The following ATXN1 variants were observed in gnomAD, a reference collection of about 807,000 sequenced individuals.
ATXN1 encodes the protein ataxin-1.
In ATXN1, 8 loss-of-function variants were observed where a neutral mutation model predicts 56.4. That is an observed-to-expected ratio of 0.14 (90% CI 0.08 to 0.26). ATXN1 has a LOEUF of 0.26. Among genes scored for constraint, ATXN1 ranks in the 10% least tolerant of loss-of-function variants. The probability of loss-of-function intolerance (pLI) is 1.00; values close to 1 mark genes in which losing one functional copy is unlikely to be tolerated. For synonymous variants in ATXN1, 514 were observed against 494.6 expected, an observed-to-expected ratio of 1.04 and a Z score of -0.52; for missense variants, 987 against 1,106.5, an observed-to-expected ratio of 0.89 and a Z score of 1.53.
intron 3 of ATXN1, among the ~76,000 whole-genome samples, chr6:16,650,818 C>T (rs1203772344): frequency 1.3e-5 from 2 of 152,124 alleles, no homozygotes; most frequent in Admixed American, 6.5e-5. Flanking sequence ...GTTTTCTGTC[C>T]GTCGTTTTCC....
chr6:16,305,985 A>C lies in ATXN1; in HGVS notation c.*344T>G. The stretch of plus-strand genomic sequence containing the variant: ...ACCCCTGCAGGACCCTTCCCACGGG[A>C]CTTTTCTCCTGACACTAGCGGGAGT... On this transcript the variant is annotated 3_prime_UTR_variant, in exon 8 of 8. Transcript: ENST00000436367. 2 of 228,504 alleles carry C rather than the reference A, an allele frequency of 8.8e-6. No individual in the cohort carries two copies. Among genetic ancestry groups the C allele is most frequent in the Non-Finnish European group, 1.8e-5 (2 of 113,282 alleles). 14.2% of individuals were successfully genotyped at this position (228,504 alleles called of 1,614,324 possible).
intron 6 of ATXN1, among the ~76,000 whole-genome samples, chr6:16,407,606 TGCAGA>T (rs1453801412): frequency 6.6e-6 from 1 of 152,236 alleles, no homozygotes; most frequent in Non-Finnish European, 1.5e-5. Context: ...GAAGTTGAAA[TGCAGA>T]GAGGAGACTA....
chr6:16,590,700 C>T (rs9464922), intron 3 of ATXN1, among the ~76,000 whole-genome samples: 1 of 151,460 alleles, frequency 6.6e-6, no homozygotes, highest in Non-Finnish European at 1.5e-5. Flanking sequence ...GACAAGTTCT[C>T]ACTCTGTTTC....
At chr6:16,692,819 C>G (rs1416643057) in intron 2 of ATXN1, among the ~76,000 whole-genome samples, 1 of 152,164 alleles carries the variant, frequency 6.6e-6, no homozygotes, top group Non-Finnish European at 1.5e-5. Context: ...GTAATGGGCC[C>G]AAGATCTCAA....
chr6:16,327,739 G>A lies in ATXN1; in HGVS notation c.572C>T (p.Pro191Leu), dbSNP rs780889674. 10 of 1,599,110 alleles carry A rather than the reference G, an allele frequency of 6.3e-6. No homozygotes were observed. The highest frequency in any genetic ancestry group is 4.5e-5 in the East Asian group (2 of 44,770). ...CTGCTGCTGCTCAGCCTTGTGTCCC[G>A]GCGTCTGGCTCAGACTGCCCATGTT... The part of the protein sequence containing the change: ...LANMGSLSQT[P>L]GHKAEQQQQQ... Residue 191 changes from proline to leucine, a missense_variant, in exon 7 of 8, where the codon CCG becomes CTG. Physicochemically the swap from Pro to Leu is moderately conservative, Grantham distance 98. Around this residue, in one of 3 missense-constraint regions of ATXN1, gnomAD observed 723 missense variants for 791.7 expected, o/e 0.91. Coordinates refer to ENST00000436367, the MANE Select transcript of ATXN1 (RefSeq NM_001128164.2).
At chr6:16,346,731 C>T (rs1290869968) in intron 6 of ATXN1, among the ~76,000 whole-genome samples, 2 of 143,668 alleles carry the variant, frequency 1.4e-5, no homozygotes, top group African/African-American at 3.0e-5. Context: ...GCAGCCCTCA[C>T]AGCCCTCACT....
chr6:16,508,368 T>A (rs1298250494), intron 5 of ATXN1, among the ~76,000 whole-genome samples: 1 of 152,210 alleles, frequency 6.6e-6, no homozygotes, highest in Non-Finnish European at 1.5e-5. Context: ...TTAAATAATT[T>A]AAGCACAAAT....
chr6:16,387,177 A>G (rs9477109), intron 6 of ATXN1, among the ~76,000 whole-genome samples: 18,355 of 152,130 alleles, frequency 0.12, 1,190 homozygotes, highest in African/African-American at 0.15. Context: ...GAGATCAATG[A>G]CTCAATGGTG....
intron 6 of ATXN1, among the ~76,000 whole-genome samples, chr6:16,447,744 C>G (rs567814427): frequency 4.5e-4 from 69 of 152,308 alleles, no homozygotes; most frequent in Non-Finnish European, 8.7e-4. Context: ...GCTAGTTACA[C>G]TCTTAGAAGC....
Position 16,326,281 on chromosome 6 carries a change from G to A in ATXN1, c.1917+113C>T. Reference sequence around the variant, plus strand: ...TGGGAAAGGCCGAGTCTAAGGTCTAGGTGTACCCGAGAACCCTTAATCCTG... The same window carrying A: ...TGGGAAAGGCCGAGTCTAAGGTCTAAGTGTACCCGAGAACCCTTAATCCTG... On this transcript the variant is annotated intron_variant, in intron 7 of 7. Coordinates refer to ENST00000436367, the MANE Select transcript of ATXN1 (RefSeq NM_001128164.2). This position sits in a 1 kb window ranked among gnomAD's most constrained non-coding sequence, Gnocchi z 6.6. 2.0e-6 allele frequency: 3 copies of A among 1,507,804 alleles called. No individual in the cohort carries two copies. The highest frequency in any genetic ancestry group is 2.6e-6 in the Non-Finnish European group (3 of 1,133,338). The allele number at this position is 1,507,804 out of a possible 1,614,324, so 93.4% of individuals were successfully genotyped here.
intron 3 of ATXN1, among the ~76,000 whole-genome samples, chr6:16,593,902 A>G (rs1323895466): frequency 6.9e-6 from 1 of 145,680 alleles, no homozygotes; most frequent in African/African-American, 2.6e-5. Flanking sequence ...ATAGACTAAT[A>G]TATATATATA....
chr6:16,662,240 G>A (rs1435341870), intron 2 of ATXN1, among the ~76,000 whole-genome samples: 1 of 152,126 alleles, frequency 6.6e-6, no homozygotes, highest in African/African-American at 2.4e-5. Flanking sequence ...TCCTACTTTA[G>A]GTGTGCATGC....
At chr6:16,706,491 G>A (rs796567316) in intron 2 of ATXN1, among the ~76,000 whole-genome samples, 11 of 152,250 alleles carry the variant, frequency 7.2e-5, no homozygotes, top group South Asian at 2.1e-4. Context: ...TTGGGAGGCC[G>A]AGGCAAGTGG....
In ATXN1 at chr6:16,327,067, C is replaced by T. The variant is rs946041399; in HGVS notation, c.1244G>A (p.Gly415Asp). ...GTGGCCAGGCTTCCCTAAATGCAGGCCACTTTTGTCGTTGAGGGTAGAAGG... is the reference window on the plus strand; with the variant it reads ...GTGGCCAGGCTTCCCTAAATGCAGGTCACTTTTGTCGTTGAGGGTAGAAGG... ...ASPSTLNDKS[G>D]LHLGKPGHRS... Residue 415 changes from glycine to aspartate, a missense_variant, in exon 7 of 8, where the codon GGC (glycine) becomes GAC (aspartate). By Grantham distance (94) the Gly-to-Asp change is moderately conservative. This residue lies in a region of ATXN1 where 723 missense variants were observed against 791.7 expected (regional missense o/e 0.91). Transcript: ENST00000436367. 2.5e-6 allele frequency: 4 copies of T among 1,613,906 alleles called. No individual in the cohort carries two copies. In the African/African-American group the frequency reaches 4.0e-5, roughly 16 times the overall value.
chr6:16,547,706 C>T (rs562947172), intron 4 of ATXN1, among the ~76,000 whole-genome samples: 28 of 152,250 alleles, frequency 1.8e-4, no homozygotes, highest in Non-Finnish European at 1.2e-4. Context: ...TGTTTCTTGG[C>T]TTTGGGCAGC....
At chr6:16,618,113 GGGACAT>G in intron 3 of ATXN1, among the ~76,000 whole-genome samples, 1 of 151,970 alleles carries the variant, frequency 6.6e-6, no homozygotes, top group Middle Eastern at 3.4e-3. Context: ...GTCCTTTACA[GGGACAT>G]GGATGAAGCT....
At chr6:16,671,154 TC>T (rs1178900055) in intron 2 of ATXN1, among the ~76,000 whole-genome samples, 1 of 152,206 alleles carries the variant, frequency 6.6e-6, no homozygotes, top group African/African-American at 2.4e-5. Flanking sequence ...CAAATGTTGC[TC>T]AGTTCACCAA....
At chr6:16,692,738 T>TGTGTTCTTACAGGTACATTCC in intron 2 of ATXN1, among the ~76,000 whole-genome samples, 1 of 152,314 alleles carries the variant, frequency 6.6e-6, no homozygotes, top group South Asian at 2.1e-4. Context: ...TGTATTCCAT[T>TGTGTTCTTACAGGTACATTCC]GTGTTCTTAC....
chr6:16,508,199 G>A (rs2113681172), intron 5 of ATXN1, among the ~76,000 whole-genome samples: 2 of 152,194 alleles, frequency 1.3e-5, no homozygotes, highest in South Asian at 4.1e-4. Flanking sequence ...GATGTGCTTT[G>A]GAAAACGATA....
Sources: allele counts gnomAD v4.1 joint callset (sites outside exome capture counted in the v4.1 genomes callset), GRCh38; gene constraint gnomAD v4.1.1; regional missense constraint gnomAD v4.1.1; non-coding constraint Gnocchi (gnomAD v3.1); transcripts MANE v1.5; gene names NCBI Gene and HGNC (gene_info 2026-07-23, HGNC 2026-07-21).